NELL2: variants seen among roughly 807,000 people sequenced by gnomAD.
NELL2 encodes the protein protein kinase C-binding protein NELL2.
A neutral mutation model predicts 109.6 loss-of-function variants in NELL2; 41 were observed. The observed-to-expected ratio is 0.37, with a 90% confidence interval of 0.29 to 0.49. NELL2 has a LOEUF of 0.49. Ranked by LOEUF, NELL2 falls within the 20% of genes least tolerant of loss-of-function variation. NELL2 has a pLI of 0.98. For synonymous variants in NELL2, 355 were observed against 344.7 expected (o/e 1.03, Z -0.33); for missense variants, 900 against 1,008.3 (o/e 0.89, Z 1.45).
intron 2 of NELL2, among the ~76,000 whole-genome samples, chr12:44,836,977 C>A (rs891462077): frequency 6.6e-6 from 1 of 152,094 alleles, no homozygotes; most frequent in Non-Finnish European, 1.5e-5. Context: ...CACCTCACAG[C>A]GACCACTACC....
chr12:44,532,730 AAAAG>A lies in NELL2; in HGVS notation c.1664-13_1664-10del. On this transcript the variant is annotated splice_polypyrimidine_tract_variant and intron_variant, in intron 15 of 19. Transcript: ENST00000429094. Reference sequence around the variant, plus strand: ...AGAGCATTCATCAATGTCTGGCAAAAAAAGAGGGATTTTATAAAATTATTTATCT... The same window carrying A: ...AGAGCATTCATCAATGTCTGGCAAAAAGGGATTTTATAAAATTATTTATCT... The A allele has an allele frequency of 6.2e-7, 1 of 1,600,732 alleles. No individual in the cohort carries two copies. The highest frequency in any genetic ancestry group is 8.5e-7 in the Non-Finnish European group (1 of 1,174,450).
At chr12:44,647,774 G>A (rs957195546) in intron 13 of NELL2, among the ~76,000 whole-genome samples, 2 of 152,128 alleles carry the variant, frequency 1.3e-5, no homozygotes, top group Non-Finnish European at 2.9e-5. Context: ...GGCTGTTCTG[G>A]CCAATGAAAA....
chr12:44,735,837 C>T (rs1944129070), intron 9 of NELL2, among the ~76,000 whole-genome samples: 1 of 151,910 alleles, frequency 6.6e-6, no homozygotes, highest in African/African-American at 2.4e-5. Flanking sequence ...GTTCAAATAA[C>T]TTAGCTTTTA....
chr12:44,837,133 G>A (rs997965812), intron 2 of NELL2, among the ~76,000 whole-genome samples: 1 of 152,208 alleles, frequency 6.6e-6, no homozygotes, highest in African/African-American at 2.4e-5. Flanking sequence ...TTTACTGACT[G>A]CTTACTATGT....
In NELL2 at chr12:44,508,698, T is replaced by G. The variant is rs533405585; in HGVS notation, c.*236A>C. 108 of 521,074 alleles carry G rather than the reference T, an allele frequency of 2.1e-4. 1 individual carries two copies. In the South Asian group the frequency reaches 2.4e-3, roughly 11 times the overall value. The allele number at this position is 521,074 out of a possible 1,614,324, so 32.3% of individuals were successfully genotyped here. The stretch of plus-strand genomic sequence containing the variant: ...CACGGTATATACTGTACGCCCATTC[T>G]TCTACATGGTGATGTGAGACACAGT... On this transcript the variant is annotated 3_prime_UTR_variant, in exon 20 of 20. Coordinates refer to ENST00000429094, the MANE Select transcript of NELL2 (RefSeq NM_001145108.2).
At chr12:44,916,564 G>C (rs1036737492), upstream of NELL2, among the ~76,000 whole-genome samples, 1 of 151,946 alleles carries the variant, frequency 6.6e-6, no homozygotes, top group Non-Finnish European at 1.5e-5. Flanking sequence ...AAAATCTCTA[G>C]AGCCATCTTT....
intron 2 of NELL2, among the ~76,000 whole-genome samples, chr12:44,862,232 C>T (rs1421024648): frequency 1.3e-5 from 2 of 152,220 alleles, no homozygotes; most frequent in Non-Finnish European, 2.9e-5. Flanking sequence ...TCTGAGCTAA[C>T]TTTGCCATGA....
At chr12:44,514,595 G>A (rs1013027746) in intron 19 of NELL2, among the ~76,000 whole-genome samples, 7 of 151,542 alleles carry the variant, frequency 4.6e-5, no homozygotes, top group African/African-American at 1.7e-4. Context: ...TTGTAGGTAT[G>A]TATAGAAAAA....
At chr12:44,914,943 G>T (rs1473530165), upstream of NELL2, among the ~76,000 whole-genome samples, 1 of 151,786 alleles carries the variant, frequency 6.6e-6, no homozygotes, top group East Asian at 1.9e-4. Flanking sequence ...TCGGTCTCCT[G>T]GGTTCACGCC....
At chr12:44,553,736 C>CA (rs1367194861) in intron 15 of NELL2, among the ~76,000 whole-genome samples, 3 of 152,018 alleles carry the variant, frequency 2.0e-5, no homozygotes, top group Non-Finnish European at 4.4e-5. Flanking sequence ...AACAAAGAGA[C>CA]AAAAAGTAGG....
At chr12:44,587,284 A>AAAAAAAAATATATATATATAT in intron 15 of NELL2, among the ~76,000 whole-genome samples, 5 of 72,202 alleles carry the variant, frequency 6.9e-5, no homozygotes, top group Non-Finnish European at 8.1e-5. Context: ...AAAAAAAAAA[A>AAAAAAAAATATATATATATAT]ATATATATAT....
chr12:44,749,934 C>T (rs943348950), intron 9 of NELL2, among the ~76,000 whole-genome samples: 5 of 150,266 alleles, frequency 3.3e-5, no homozygotes, highest in African/African-American at 7.4e-5. Flanking sequence ...GTAATTATTA[C>T]GAGCAGGAGA....
At chr12:44,587,284 AAT>A (rs1555180982) in intron 15 of NELL2, among the ~76,000 whole-genome samples, 13 of 72,216 alleles carry the variant, frequency 1.8e-4, no homozygotes, top group Admixed American at 3.3e-4. Flanking sequence ...AAAAAAAAAA[AAT>A]ATATATATAT....
At chr12:44,636,482 T>A (rs1330659345) in intron 13 of NELL2, among the ~76,000 whole-genome samples, 1 of 152,184 alleles carries the variant, frequency 6.6e-6, no homozygotes, top group African/African-American at 2.4e-5. Context: ...ATTGAGAGTT[T>A]TTAGCATAAA....
rs1289315013 is a variant in NELL2 at position 44,597,578 on chromosome 12, T to G, written c.1663+9591A>C. Reference sequence around the variant, plus strand: ...CAGTAGCCAAATAAAGCATAAAAACTGTTAAACTTAGTTCCCTCTATGTTG... The same window carrying G: ...CAGTAGCCAAATAAAGCATAAAAACGGTTAAACTTAGTTCCCTCTATGTTG... On this transcript the variant is annotated intron_variant, in intron 15 of 19. Transcript: ENST00000429094. 3.3e-5 allele frequency among the ~76,000 whole-genome samples: 5 copies of G among 152,226 alleles called. No individual in the cohort carries two copies. In the South Asian group the frequency reaches 8.3e-4, roughly 25 times the overall value.
In NELL2 at chr12:44,745,232, C is replaced by T. The variant is rs935571461; in HGVS notation, c.994+29515G>A. Among the ~76,000 whole-genome samples the T allele has an allele frequency of 2.0e-5, 3 of 151,202 alleles. No individual in the cohort carries two copies. The East Asian group carries it at 5.8e-4, about 29-fold the overall frequency. On this transcript the variant is annotated intron_variant, in intron 9 of 19. Transcript: ENST00000429094. ...ATTATCTCAACAGATGCAGAAAAGGCCTTTGACAAAATTCAACAACCTTCA... is the reference window on the plus strand; with the variant it reads ...ATTATCTCAACAGATGCAGAAAAGGTCTTTGACAAAATTCAACAACCTTCA...
intron 8 of NELL2, among the ~76,000 whole-genome samples, chr12:44,775,415 A>T (rs892766473): frequency 6.6e-6 from 1 of 152,238 alleles, no homozygotes; most frequent in African/African-American, 2.4e-5. Context: ...AGATGAGTTC[A>T]TGTGTAATTT....
At chr12:44,818,728 TTTTTTTTTTTA>T (rs1168178310) in intron 2 of NELL2, among the ~76,000 whole-genome samples, 11 of 94,130 alleles carry the variant, frequency 1.2e-4, no homozygotes, top group Non-Finnish European at 1.1e-4. Context: ...TTCACTTATT[TTTTTTTTTTTA>T]TTTTTTTTTT....
At chr12:44,652,003 A>G (rs1249689656) in intron 13 of NELL2, among the ~76,000 whole-genome samples, 1 of 152,184 alleles carries the variant, frequency 6.6e-6, no homozygotes, top group Non-Finnish European at 1.5e-5. Flanking sequence ...TTTTAATGAC[A>G]AAATATTTTG....
Sources: allele counts gnomAD v4.1 joint callset (sites outside exome capture counted in the v4.1 genomes callset), GRCh38; gene constraint gnomAD v4.1.1; transcripts MANE v1.5; gene names NCBI Gene and HGNC (gene_info 2026-07-23, HGNC 2026-07-21).